Variants in LRRC69 observed in about 807,000 individuals in gnomAD.
LRRC69 encodes the protein leucine rich repeat containing 69.
In LRRC69, 42 loss-of-function variants were observed where a neutral mutation model predicts 37.8. The observed-to-expected ratio is 1.11, with a 90% CI of 0.87 to 1.44. The LOEUF (loss-of-function observed/expected upper bound fraction) is 1.44, where lower values mean the gene tolerates loss of function less well. Ranked by LOEUF, LRRC69 falls within the 40% of genes most tolerant of loss-of-function variation. The pLI, the probability that LRRC69 is intolerant of heterozygous loss-of-function variation, is 0.00. For missense variants in LRRC69, 357 were observed against 401.9 expected, an observed-to-expected ratio of 0.89 and a Z score of 0.96; for synonymous variants, 141 against 143.1, an observed-to-expected ratio of 0.99 and a Z score of 0.11.
intron 1 of LRRC69, among the ~76,000 whole-genome samples, chr8:91,117,708 T>C (rs1813535824): frequency 6.6e-6 from 1 of 151,766 alleles, no homozygotes; most frequent in Non-Finnish European, 1.5e-5. Flanking sequence ...CAAAACTAAT[T>C]ATGCACCAAC....
At position 91,200,693 on chromosome 8, in the gene LRRC69, AG is replaced by A. The variant is rs1161570767; in HGVS notation, c.835del (p.Val279SerfsTer4). 1.7e-5 allele frequency: 26 copies of A among 1,532,530 alleles called. No homozygotes were observed. The highest frequency in any genetic ancestry group is 2.2e-5 in the Non-Finnish European group (25 of 1,139,792). The allele number at this position is 1,532,530 out of a possible 1,614,324, so 94.9% of individuals were successfully genotyped here. A position where few individuals can be genotyped will look rare whatever the true frequency, so the allele number is the denominator to read the frequency against. ...TGGATGACATAGAACGGTACCCACAAGTCAGGAGCATGATCTCTCAGGGAAA... is the reference window on the plus strand; with the variant it reads ...TGGATGACATAGAACGGTACCCACAATCAGGAGCATGATCTCTCAGGGAAA... On this transcript the variant is annotated frameshift_variant, in exon 7 of 8. Transcript: ENST00000448384. LOFTEE classifies it high-confidence loss of function.
chr8:91,106,708 C>T (rs1207109267), intron 1 of LRRC69, among the ~76,000 whole-genome samples: 1 of 151,858 alleles, frequency 6.6e-6, no homozygotes, highest in Non-Finnish European at 1.5e-5. Context: ...GTATGGTGTT[C>T]AATTTATAGT....
intron 5 of LRRC69, chr8:91,157,974 A>G (rs1808866722): frequency 7.2e-7 from 1 of 1,384,022 alleles, no homozygotes; most frequent in Admixed American, 1.7e-5. Context: ...AGAAAAGCTG[A>G]AGAAGAACAT....
chr8:91,217,714 G>A (rs896899653), intron 7 of LRRC69, among the ~76,000 whole-genome samples: 1 of 152,148 alleles, frequency 6.6e-6, no homozygotes, highest in Non-Finnish European at 1.5e-5. Flanking sequence ...GGGCTTTTGT[G>A]CCAGCACAAT....
At chr8:91,106,799 T>G (rs142553015) in intron 1 of LRRC69, among the ~76,000 whole-genome samples, 24 of 151,978 alleles carry the variant, frequency 1.6e-4, no homozygotes, top group Non-Finnish European at 2.6e-4. Context: ...TTGCATATTT[T>G]TTTTTCTTTT....
intron 5 of LRRC69, among the ~76,000 whole-genome samples, chr8:91,181,735 T>C (rs1342514876): frequency 6.6e-6 from 1 of 152,156 alleles, no homozygotes; most frequent in East Asian, 1.9e-4. Flanking sequence ...CTTAGAAACA[T>C]CAATAGGAGA....
At chr8:91,161,226 GTTCATCAAGGTTA>G (rs1808938338) in intron 5 of LRRC69, among the ~76,000 whole-genome samples, 1 of 151,168 alleles carries the variant, frequency 6.6e-6, no homozygotes, top group Non-Finnish European at 1.5e-5. Context: ...TTGCATCTGT[GTTCATCAAGGTTA>G]TTCATTTGTA....
intron 7 of LRRC69, 118 bp downstream of exon 7, chr8:91,200,910 C>T: frequency 1.1e-6 from 1 of 949,434 alleles, no homozygotes; most frequent in Non-Finnish European, 1.5e-6. Context: ...GGATAGTATA[C>T]TGTAAATTTT....
chr8:91,207,628 A>G (rs561873473), intron 7 of LRRC69, among the ~76,000 whole-genome samples: 1 of 152,230 alleles, frequency 6.6e-6, no homozygotes, highest in South Asian at 2.1e-4. Context: ...CTAGGGAGGC[A>G]TTTAGAATAG....
rs1234286355 is a variant in LRRC69 at position 91,157,258 on chromosome 8, C to T, written c.651+21519C>T. 3.6e-5 allele frequency: 54 copies of T among 1,491,648 alleles called. No homozygotes were observed. In the Middle Eastern group the frequency reaches 1.7e-3, roughly 47 times the overall value. 92.4% of individuals were successfully genotyped at this position (1,491,648 alleles called of 1,614,324 possible). A position where few individuals can be genotyped will look rare whatever the true frequency, so the allele number is the denominator to read the frequency against. On this transcript the variant is annotated intron_variant, in intron 5 of 7. Coordinates refer to ENST00000448384, the Ensembl canonical transcript of LRRC69. ...TCTGACATTAGAAAGCACACTTCAC[C>T]TCTCTAATGTGACCTTTCTCACAGG...
intron 1 of LRRC69, 42 bp downstream of exon 1, chr8:91,102,886 T>C: frequency 6.7e-7 from 1 of 1,496,398 alleles, no homozygotes; most frequent in Non-Finnish European, 8.9e-7. Context: ...GTATTGAAGA[T>C]GGAAAACAGG....
chr8:91,208,570 T>G (rs1298542176), intron 7 of LRRC69, among the ~76,000 whole-genome samples: 5 of 152,200 alleles, frequency 3.3e-5, no homozygotes, highest in Non-Finnish European at 7.3e-5. Flanking sequence ...AACTTAGCTT[T>G]TATTTGGGCC....
intron 1 of LRRC69, among the ~76,000 whole-genome samples, chr8:91,105,183 A>G (rs1413410529): frequency 6.6e-6 from 1 of 151,912 alleles, no homozygotes; most frequent in Non-Finnish European, 1.5e-5. Flanking sequence ...GGCCAATGGT[A>G]TTATGTTTAG....
At chr8:91,127,670 T>C (rs1813744196) in intron 3 of LRRC69, among the ~76,000 whole-genome samples, 1 of 135,644 alleles carries the variant, frequency 7.4e-6, no homozygotes, top group Non-Finnish European at 1.5e-5. Context: ...ACAGGCAGAA[T>C]GCCTTTCTGG....
intron 5 of LRRC69, among the ~76,000 whole-genome samples, chr8:91,173,970 A>G (rs182228912): frequency 4.2e-5 from 4 of 96,336 alleles, no homozygotes; most frequent in African/African-American, 1.6e-4. Context: ...TGATCCTAAC[A>G]AGGACTTTTT....
chr8:91,124,240 A>G (rs1813678444), intron 1 of LRRC69, among the ~76,000 whole-genome samples: 1 of 152,050 alleles, frequency 6.6e-6, no homozygotes, highest in African/African-American at 2.4e-5. Context: ...TGGGATGGTT[A>G]GTAATATAAT....
intron 3 of LRRC69, among the ~76,000 whole-genome samples, chr8:91,131,729 G>A (rs1298095743): frequency 6.6e-6 from 1 of 151,654 alleles, no homozygotes; most frequent in Non-Finnish European, 1.5e-5. Flanking sequence ...TTTGTGACTC[G>A]GCATTATTTC....
At chr8:91,205,310 T>C (rs770318809) in intron 7 of LRRC69, among the ~76,000 whole-genome samples, 3 of 152,238 alleles carry the variant, frequency 2.0e-5, no homozygotes, top group Middle Eastern at 3.4e-3. Flanking sequence ...CTCACGTTAC[T>C]GGCCTGTTTA....
At chr8:91,166,954 C>T (rs1487769834) in intron 5 of LRRC69, among the ~76,000 whole-genome samples, 2 of 151,660 alleles carry the variant, frequency 1.3e-5, no homozygotes. Context: ...ACCTACACTC[C>T]GGTGCCTTTG....
Sources: gnomAD v4.1 joint callset for allele counts (sites outside exome capture counted in the v4.1 genomes callset) on GRCh38, gnomAD v4.1.1 for gene constraint, MANE v1.5 for transcripts, NCBI Gene and HGNC (gene_info 2026-07-23, HGNC 2026-07-21) for gene names.